The following NRXN3 variants were observed in gnomAD, a reference collection of about 807,000 sequenced individuals.
NRXN3 encodes neurexin 3.
Under a neutral mutation model 137.6 loss-of-function variants are expected in NRXN3, and 32 were observed. That is an observed-to-expected ratio of 0.23 (90% CI 0.18 to 0.31). NRXN3 has a LOEUF of 0.31. Ranked by LOEUF, NRXN3 falls within the 10% of genes least tolerant of loss-of-function variation. NRXN3 has a pLI of 1.00. For missense variants in NRXN3, 1,574 were observed against 2,062.5 expected, an observed-to-expected ratio of 0.76 and a Z score of 4.59; for synonymous variants, 798 against 784.5, an observed-to-expected ratio of 1.02 and a Z score of -0.29.
intron 3 of NRXN3, among the ~76,000 whole-genome samples, chr14:78,280,907 G>T (rs1457982100): frequency 6.6e-6 from 1 of 152,198 alleles, no homozygotes; most frequent in Non-Finnish European, 1.5e-5. Context: ...CCTCTGAGGT[G>T]TGTAGCCCGA....
At chr14:78,716,014 T>G (rs2098430972) in intron 8 of NRXN3, among the ~76,000 whole-genome samples, 2 of 152,120 alleles carry the variant, frequency 1.3e-5, no homozygotes, top group South Asian at 4.1e-4. Context: ...CTTTGTTCCC[T>G]TCTGAAAAAT....
chr14:78,271,394 T>G (rs1051960799), intron 2 of NRXN3, among the ~76,000 whole-genome samples: 1 of 152,080 alleles, frequency 6.6e-6, no homozygotes, highest in African/African-American at 2.4e-5. Context: ...GCCAAAAATA[T>G]TTTAAATGAC....
At chr14:79,013,115 T>C (rs546397192) in intron 15 of NRXN3, among the ~76,000 whole-genome samples, 1 of 152,296 alleles carries the variant, frequency 6.6e-6, no homozygotes, top group African/African-American at 2.4e-5. Context: ...GCTTTGCCTG[T>C]ATGAAATTCA....
At chr14:79,338,998 C>T (rs1050682095) in intron 15 of NRXN3, among the ~76,000 whole-genome samples, 3 of 152,154 alleles carry the variant, frequency 2.0e-5, no homozygotes, top group Non-Finnish European at 4.4e-5. Flanking sequence ...TAGGGCGACC[C>T]ATTTGGAAAA....
intron 4 of NRXN3, among the ~76,000 whole-genome samples, chr14:78,592,363 G>A (rs1022868384): frequency 4.6e-5 from 7 of 152,256 alleles, no homozygotes; most frequent in Non-Finnish European, 7.4e-5. Context: ...GGCATGGAGT[G>A]TGATTCAAGA....
chr14:79,204,114 C>G (rs564071840), intron 15 of NRXN3, among the ~76,000 whole-genome samples: 2 of 152,128 alleles, frequency 1.3e-5, no homozygotes, highest in Admixed American at 6.5e-5. Flanking sequence ...CTCCCACTCA[C>G]AAGTAAGATT....
chr14:78,728,121 C>A (rs2098495487), intron 8 of NRXN3, among the ~76,000 whole-genome samples: 1 of 152,180 alleles, frequency 6.6e-6, no homozygotes, highest in Non-Finnish European at 1.5e-5. Flanking sequence ...TATTCTAAAG[C>A]AATTTCAGAG....
intron 4 of NRXN3, among the ~76,000 whole-genome samples, chr14:78,353,297 T>C (rs1296133140): frequency 6.6e-6 from 1 of 152,150 alleles, no homozygotes; most frequent in Non-Finnish European, 1.5e-5. Flanking sequence ...TAAAACAAAA[T>C]ACCGTAGATT....
At chr14:78,642,912 T>C (rs905467593) in intron 4 of NRXN3, among the ~76,000 whole-genome samples, 2 of 152,216 alleles carry the variant, frequency 1.3e-5, no homozygotes, top group African/African-American at 4.8e-5. Context: ...TACTTATACA[T>C]GTGCAAGCTA....
At chr14:78,403,596 A>G in intron 4 of NRXN3, 3 of 417,444 alleles carry the variant, frequency 7.2e-6, no homozygotes, top group Non-Finnish European at 9.7e-6. Flanking sequence ...CCCGGGCCCC[A>G]GATGTGTGCA....
chr14:79,526,160 G>C (rs918229034), intron 16 of NRXN3, among the ~76,000 whole-genome samples: 4 of 152,120 alleles, frequency 2.6e-5, no homozygotes, highest in Non-Finnish European at 5.9e-5. Context: ...CAATTCTCCT[G>C]CCTCAGCCTC....
intron 4 of NRXN3, among the ~76,000 whole-genome samples, chr14:78,436,890 G>T (rs1311158130): frequency 6.6e-6 from 1 of 152,138 alleles, no homozygotes; most frequent in East Asian, 1.9e-4. Context: ...GCTTCCTGTG[G>T]GTTATTTCAT....
At chr14:79,452,616 C>A (rs1039329321) in intron 15 of NRXN3, among the ~76,000 whole-genome samples, 1 of 152,152 alleles carries the variant, frequency 6.6e-6, no homozygotes, top group Non-Finnish European at 1.5e-5. Flanking sequence ...TCACCTCTCA[C>A]AAGGTCCAGG....
intron 10 of NRXN3, among the ~76,000 whole-genome samples, chr14:78,873,406 C>A (rs933638921): frequency 6.6e-6 from 1 of 152,110 alleles, no homozygotes; most frequent in Non-Finnish European, 1.5e-5. Flanking sequence ...GTTGCCATAA[C>A]ATTTTTGAAG....
At position 78,890,857 on chromosome 14, in the gene NRXN3, G is replaced by A. The variant is rs955966693; in HGVS notation, c.2276-66385G>A. 5.3e-4 allele frequency among the ~76,000 whole-genome samples: 81 copies of A among 151,968 alleles called. 1 individual carries two copies. The highest frequency in any genetic ancestry group is 3.4e-3 in the Middle Eastern group (1 of 294). ...GGGCAAAATGAGTTTCTGGCTGTGG[G>A]ATGGATTTGAGTGGTGTTAGCAATC... On this transcript the variant is annotated intron_variant, in intron 10 of 20. Coordinates refer to ENST00000335750, the MANE Select transcript of NRXN3 (RefSeq NM_001330195.2).
intron 4 of NRXN3, among the ~76,000 whole-genome samples, chr14:78,446,655 T>A (rs2094428606): frequency 6.6e-6 from 1 of 152,162 alleles, no homozygotes; most frequent in Admixed American, 6.5e-5. Flanking sequence ...AAAACAAACT[T>A]GGTTAGTTGG....
intron 4 of NRXN3, among the ~76,000 whole-genome samples, chr14:78,326,717 T>G (rs541758708): frequency 1.3e-5 from 2 of 152,322 alleles, no homozygotes; most frequent in East Asian, 3.9e-4. Context: ...AAGTTACACA[T>G]TTAATTCTGC....
chr14:78,190,524 C>G (rs1329429698), intron 1 of NRXN3, among the ~76,000 whole-genome samples: 1 of 152,142 alleles, frequency 6.6e-6, no homozygotes, highest in African/African-American at 2.4e-5. Context: ...ATTGAGGAAG[C>G]TGGTGACAGA....
At chr14:79,120,322 C>A (rs901176233) in intron 15 of NRXN3, among the ~76,000 whole-genome samples, 1 of 152,058 alleles carries the variant, frequency 6.6e-6, no homozygotes, top group African/African-American at 2.4e-5. Flanking sequence ...CCATGGTGCA[C>A]CTGCACTTTA....
Sources: allele counts gnomAD v4.1 joint callset (sites outside exome capture counted in the v4.1 genomes callset), GRCh38; gene constraint gnomAD v4.1.1; transcripts MANE v1.5; gene names NCBI Gene and HGNC (gene_info 2026-07-23, HGNC 2026-07-21).